Variants in NEGR1 observed in about 807,000 individuals in gnomAD.
The protein encoded by NEGR1 is neuronal growth regulator 1.
NEGR1 carries 10 observed loss-of-function variants against 40.9 expected under a neutral mutation model. That is an observed-to-expected ratio of 0.24 (90% CI 0.15 to 0.42). NEGR1 has a LOEUF of 0.42. Among genes scored for constraint, NEGR1 ranks in the 10% least tolerant of loss-of-function variants. The pLI, the probability that NEGR1 is intolerant of heterozygous loss-of-function variation, is 1.00. For missense variants in NEGR1, 352 were observed against 438.9 expected (o/e 0.80, Z 1.77); for synonymous variants, 185 against 166.8 (o/e 1.11, Z -0.84).
At chr1:72,026,496 C>T (rs542596890) in intron 1 of NEGR1, among the ~76,000 whole-genome samples, 3 of 151,834 alleles carry the variant, frequency 2.0e-5, no homozygotes, top group Admixed American at 1.3e-4. Flanking sequence ...ACTTTGTGAA[C>T]TGATCCTTTT....
intron 4 of NEGR1, among the ~76,000 whole-genome samples, chr1:71,664,522 CT>C (rs1164777424): frequency 1.3e-5 from 2 of 151,990 alleles, no homozygotes; most frequent in East Asian, 1.9e-4. Context: ...TTTTACATAT[CT>C]TTTTTGTGTG....
At chr1:71,483,324 A>G (rs932628021) in intron 6 of NEGR1, among the ~76,000 whole-genome samples, 9 of 151,800 alleles carry the variant, frequency 5.9e-5, no homozygotes, top group Non-Finnish European at 1.3e-4. Flanking sequence ...AAGGGGGAAC[A>G]TCTGGAGAGC....
At chr1:72,127,463 CAAAAAA>C (rs56301492) in intron 1 of NEGR1, among the ~76,000 whole-genome samples, 11 of 39,302 alleles carry the variant, frequency 2.8e-4, no homozygotes, top group South Asian at 4.1e-3. Context: ...GGCTCTGTCT[CAAAAAA>C]AAAAAAAAAA....
chr1:72,190,785 T>C (rs186049321), intron 1 of NEGR1, among the ~76,000 whole-genome samples: 1 of 151,590 alleles, frequency 6.6e-6, no homozygotes, highest in South Asian at 2.1e-4. Flanking sequence ...TCTTTGGAAA[T>C]AAATGACCTG....
chr1:71,411,536 T>G (rs1569840707), intron 6 of NEGR1, among the ~76,000 whole-genome samples: 2 of 152,116 alleles, frequency 1.3e-5, no homozygotes, highest in Non-Finnish European at 2.9e-5. Context: ...GCTATTTACC[T>G]TAAGTAAAAT....
At chr1:71,445,575 C>A (rs566655991) in intron 6 of NEGR1, among the ~76,000 whole-genome samples, 2 of 152,244 alleles carry the variant, frequency 1.3e-5, no homozygotes, top group East Asian at 3.9e-4. Context: ...ACACCTGAGT[C>A]TCCTAACTCT....
At chr1:71,941,230 A>AC (rs1645956219) in intron 1 of NEGR1, among the ~76,000 whole-genome samples, 1 of 152,122 alleles carries the variant, frequency 6.6e-6, no homozygotes, top group African/African-American at 2.4e-5. Flanking sequence ...GATTTTGCAC[A>AC]CAAAGAGAGT....
chr1:71,928,389 C>G (rs1490405310), intron 2 of NEGR1, among the ~76,000 whole-genome samples: 1 of 136,966 alleles, frequency 7.3e-6, no homozygotes, highest in African/African-American at 2.7e-5. Context: ...TATATATACA[C>G]ACATATGTAT....
chr1:71,878,226 C>T (rs1002703520), intron 2 of NEGR1, among the ~76,000 whole-genome samples: 6 of 152,166 alleles, frequency 3.9e-5, no homozygotes, highest in African/African-American at 1.2e-4. Context: ...TTACAACATA[C>T]CTGTATAAAT....
At chr1:71,456,262 T>A (rs987611964) in intron 6 of NEGR1, among the ~76,000 whole-genome samples, 16 of 152,166 alleles carry the variant, frequency 1.1e-4, no homozygotes, top group Non-Finnish European at 4.4e-5. Context: ...AAAATTTTTT[T>A]ATGTATTTAT....
chr1:72,033,152 G>C (rs537590400), intron 1 of NEGR1, among the ~76,000 whole-genome samples: 100 of 151,926 alleles, frequency 6.6e-4, no homozygotes, highest in Non-Finnish European at 1.1e-3. Context: ...TTAAACTTTA[G>C]GCTTTGCCAC....
chr1:71,847,803 T>C (rs1338220916), intron 2 of NEGR1, among the ~76,000 whole-genome samples: 1 of 152,166 alleles, frequency 6.6e-6, no homozygotes, highest in East Asian at 1.9e-4. Flanking sequence ...TAAATCAGAT[T>C]AAATCACTTT....
At chr1:72,194,478 A>G (rs1652931649) in intron 1 of NEGR1, among the ~76,000 whole-genome samples, 1 of 151,984 alleles carries the variant, frequency 6.6e-6, no homozygotes, top group African/African-American at 2.4e-5. Context: ...AGTTGCCAAG[A>G]TTCCCTAGCT....
At chr1:71,621,831 C>T (rs932599234) in intron 4 of NEGR1, among the ~76,000 whole-genome samples, 4 of 151,730 alleles carry the variant, frequency 2.6e-5, no homozygotes, top group African/African-American at 9.7e-5. Context: ...TATCATTAGT[C>T]ATTATATTGT....
At position 71,932,016 on chromosome 1, in the gene NEGR1, A is replaced by G. The variant is rs968139020; in HGVS notation, c.409+3063T>C. 8.5e-5 allele frequency among the ~76,000 whole-genome samples: 13 copies of G among 152,282 alleles called. 1 individual carries two copies. The South Asian group carries it at 2.5e-3, about 29-fold the overall frequency. ...AAAAAATTATTTTATTATTAAGTCT[A>G]TTAGTCAGTTTCAACCCTTTTAAAG... On this transcript the variant is annotated intron_variant, in intron 2 of 6. Coordinates refer to ENST00000357731, the MANE Select transcript of NEGR1 (RefSeq NM_173808.3).
intron 3 of NEGR1, among the ~76,000 whole-genome samples, chr1:71,767,337 G>C (rs1485491147): frequency 6.6e-6 from 1 of 152,138 alleles, no homozygotes; most frequent in South Asian, 2.1e-4. Context: ...CTAGAGTAAA[G>C]GTCACTTTTG....
chr1:72,161,133 T>C (rs1651541423), intron 1 of NEGR1, among the ~76,000 whole-genome samples: 1 of 150,490 alleles, frequency 6.6e-6, no homozygotes, highest in South Asian at 2.1e-4. Context: ...GCTCTGAGAG[T>C]TCCTTCATCA....
At chr1:72,147,590 C>T (rs574939186) in intron 1 of NEGR1, among the ~76,000 whole-genome samples, 3 of 152,236 alleles carry the variant, frequency 2.0e-5, no homozygotes, top group African/African-American at 7.2e-5. Context: ...CCAATCATGC[C>T]TTCCAACATT....
intron 1 of NEGR1, among the ~76,000 whole-genome samples, chr1:72,257,409 G>T (rs1012464383): frequency 6.6e-6 from 1 of 150,490 alleles, no homozygotes; most frequent in Admixed American, 6.6e-5. Context: ...AAAAATGTGT[G>T]AGTTGATTTA....
Sources: allele counts gnomAD v4.1 joint callset (sites outside exome capture counted in the v4.1 genomes callset), GRCh38; gene constraint gnomAD v4.1.1; transcripts MANE v1.5; gene names NCBI Gene and HGNC (gene_info 2026-07-23, HGNC 2026-07-21).